PRKCI: variants seen among roughly 807,000 people sequenced by gnomAD.
PRKCI encodes protein kinase C iota type.
A neutral mutation model predicts 84.0 loss-of-function variants in PRKCI; 43 were observed. The observed-to-expected ratio is 0.51, with a 90% CI of 0.40 to 0.66. The LOEUF is 0.66. Among genes scored for constraint, PRKCI ranks in the 30% least tolerant of loss-of-function variants. The pLI is 0.00. For missense variants in PRKCI, 459 were observed against 745.6 expected, an observed-to-expected ratio of 0.62 and a Z score of 4.48; for synonymous variants, 216 against 234.4, an observed-to-expected ratio of 0.92 and a Z score of 0.72.
At chr3:170,229,090 A>G (rs1033251687) in intron 1 of PRKCI, among the ~76,000 whole-genome samples, 1 of 152,178 alleles carries the variant, frequency 6.6e-6, no homozygotes, top group African/African-American at 2.4e-5. Flanking sequence ...CACTTTCTAG[A>G]GATAGCCATT....
In PRKCI at chr3:170,222,695, C is replaced by A. The variant is rs979336423; in HGVS notation, c.26C>A (p.Thr9Asn). 12 of 1,608,104 alleles carry A rather than the reference C, an allele frequency of 7.5e-6. No individual in the cohort carries two copies. Among genetic ancestry groups the A allele is most frequent in the Non-Finnish European group, 1.0e-5 (12 of 1,178,122 alleles). The stretch of plus-strand genomic sequence containing the variant: ...ATGCCGACCCAGAGGGACAGCAGCA[C>A]CATGTCCCACACGGTCGCAGGCGGC... MPTQRDSS[T>N]MSHTVAGGGS... The change falls in exon 1 of 18, where the codon ACC (threonine) becomes AAC (asparagine). Residue 9 changes from threonine (T) to asparagine (N), a missense_variant. By Grantham distance (65) the Thr-to-Asn change is moderately conservative (BLOSUM62 0). This residue lies in a region of PRKCI where 250 missense variants were observed against 319.7 expected (regional missense o/e 0.78). Transcript: ENST00000295797.
At chr3:170,264,842 A>G (rs1377125007) in intron 4 of PRKCI, among the ~76,000 whole-genome samples, 4 of 152,112 alleles carry the variant, frequency 2.6e-5, no homozygotes, top group Non-Finnish European at 5.9e-5. Context: ...GACTCTCAAA[A>G]TGTAGCCATT....
At chr3:170,269,576 G>A (rs1577360672) in intron 5 of PRKCI, among the ~76,000 whole-genome samples, 2 of 152,154 alleles carry the variant, frequency 1.3e-5, no homozygotes, top group Non-Finnish European at 2.9e-5. Flanking sequence ...AGCCCAGGAC[G>A]TTGAGGCTGC....
rs781310669 is a variant in PRKCI, at chr3:170,245,954, T to TTTTGTTTGTTTGTTTGTTTG, written c.223+10606_223+10607insGTTTGTTTGTTTGTTTGTTT. Among the ~76,000 whole-genome samples the TTTTGTTTGTTTGTTTGTTTG allele has an allele frequency of 3.8e-3, 462 of 121,340 alleles. 5 individuals are homozygous for TTTTGTTTGTTTGTTTGTTTG. Among genetic ancestry groups the TTTTGTTTGTTTGTTTGTTTG allele is most frequent in the Non-Finnish European group, 5.9e-3 (347 of 58,322 alleles). The allele number at this position is 121,340 out of a possible 152,430, so 79.6% of individuals were successfully genotyped here. ...TCCCTGGATGTTATGTCTTTGTTTT[T>TTTTGTTTGTTTGTTTGTTTG]TTTTTTTTTTTTTTTTCTGACACAA... On this transcript the variant is annotated intron_variant, in intron 2 of 17. Transcript: ENST00000295797.
chr3:170,280,722 A>G (rs1302284324), intron 9 of PRKCI, among the ~76,000 whole-genome samples: 2 of 152,156 alleles, frequency 1.3e-5, no homozygotes, highest in Non-Finnish European at 2.9e-5. Context: ...GTTGCTAGGA[A>G]TATAGGCGTG....
At chr3:170,233,964 G>A (rs956952619) in intron 1 of PRKCI, among the ~76,000 whole-genome samples, 5 of 148,972 alleles carry the variant, frequency 3.4e-5, no homozygotes, top group South Asian at 2.1e-4. Context: ...CTAGTGATCC[G>A]CCCACCTCAG....
At chr3:170,300,486 G>A (rs748137361) in intron 17 of PRKCI, among the ~76,000 whole-genome samples, 3 of 150,694 alleles carry the variant, frequency 2.0e-5, no homozygotes, top group Non-Finnish European at 4.4e-5. Flanking sequence ...GTTTCCCTCT[G>A]TGTAAGCATG....
chr3:170,287,157 A>G (rs1318028575), intron 12 of PRKCI, among the ~76,000 whole-genome samples: 1 of 152,008 alleles, frequency 6.6e-6, no homozygotes, highest in Non-Finnish European at 1.5e-5. Context: ...CAACATGGCA[A>G]AACTCCATCT....
chr3:170,262,590 C>T (rs566739507), intron 3 of PRKCI, among the ~76,000 whole-genome samples: 35 of 152,120 alleles, frequency 2.3e-4, no homozygotes, highest in Non-Finnish European at 4.3e-4. Flanking sequence ...AAGTGATTCC[C>T]GGGCCTCAGC....
intron 7 of PRKCI, among the ~76,000 whole-genome samples, chr3:170,274,957 G>A (rs1175984351): frequency 2.0e-5 from 3 of 152,092 alleles, no homozygotes; most frequent in Non-Finnish European, 4.4e-5. Context: ...TAAAAATAAC[G>A]AAAGTACTTG....
intron 1 of PRKCI, among the ~76,000 whole-genome samples, chr3:170,224,001 T>G (rs1732566607): frequency 6.6e-6 from 1 of 151,972 alleles, no homozygotes; most frequent in African/African-American, 2.4e-5. Flanking sequence ...TGTGCCATAC[T>G]GGTGTGCTGC....
At chr3:170,230,960 TTTG>T (rs1197302078) in intron 1 of PRKCI, among the ~76,000 whole-genome samples, 1 of 149,058 alleles carries the variant, frequency 6.7e-6, no homozygotes, top group East Asian at 2.0e-4. Flanking sequence ...ATTTTTTTTT[TTTG>T]TTTTTTTTTT....
intron 2 of PRKCI, among the ~76,000 whole-genome samples, chr3:170,251,255 A>G (rs944194981): frequency 2.0e-5 from 3 of 152,218 alleles, no homozygotes; most frequent in African/African-American, 7.2e-5. Flanking sequence ...ATTTCTCCCA[A>G]ATTTCCAACA....
chr3:170,237,436 A>G (rs903327826), intron 2 of PRKCI, among the ~76,000 whole-genome samples: 1 of 152,324 alleles, frequency 6.6e-6, no homozygotes, highest in East Asian at 1.9e-4. Context: ...TACAGTGTAC[A>G]CTGCTCAGGT....
chr3:170,244,457 G>A (rs964428155), intron 2 of PRKCI, among the ~76,000 whole-genome samples: 6 of 152,078 alleles, frequency 3.9e-5, no homozygotes, highest in Non-Finnish European at 7.4e-5. Flanking sequence ...ATCTGGACCC[G>A]GCTTGGAAGC....
At chr3:170,272,834 T>C (rs1325590281) in intron 6 of PRKCI, among the ~76,000 whole-genome samples, 3 of 152,174 alleles carry the variant, frequency 2.0e-5, no homozygotes, top group South Asian at 4.1e-4. Context: ...TTGGGGCCAC[T>C]GACACCCTTG....
chr3:170,261,040 T>C (rs535764647), intron 3 of PRKCI, among the ~76,000 whole-genome samples: 1 of 152,224 alleles, frequency 6.6e-6, no homozygotes, highest in South Asian at 2.1e-4. Flanking sequence ...CACTGCAGCC[T>C]TGACTTCCCA....
chr3:170,263,294 T>A, intron 3 of PRKCI, 85 bp from the exon 4 acceptor site: 6 of 1,196,552 alleles, frequency 5.0e-6, no homozygotes, highest in Non-Finnish European at 7.3e-6. Flanking sequence ...TCTGGGTCAG[T>A]TTCTTTTACA....
intron 2 of PRKCI, among the ~76,000 whole-genome samples, chr3:170,236,864 CAAAA>C (rs11392753): frequency 5.6e-5 from 7 of 125,652 alleles, no homozygotes; most frequent in Non-Finnish European, 4.9e-5. Flanking sequence ...GACCCTGTCT[CAAAA>C]AAAAAAAAAA....
Sources: allele counts gnomAD v4.1 joint callset (sites outside exome capture counted in the v4.1 genomes callset), GRCh38; gene constraint gnomAD v4.1.1; regional missense constraint gnomAD v4.1.1; transcripts MANE v1.5; gene names NCBI Gene and HGNC (gene_info 2026-07-23, HGNC 2026-07-21).